IQCH: variants seen among roughly 807,000 people sequenced by gnomAD.
IQCH encodes the protein IQ domain-containing protein H.
IQCH carries 98 observed loss-of-function variants against 117.0 expected under a neutral mutation model. That is an observed-to-expected ratio of 0.84 (90% CI 0.71 to 0.99). The LOEUF (loss-of-function observed/expected upper bound fraction) is 0.99. Among genes scored for constraint, IQCH ranks in the 50% least tolerant of loss-of-function variants. The pLI is 0.00. For missense variants in IQCH, 1,102 were observed against 1,243.8 expected (o/e 0.89, Z 1.72); for synonymous variants, 412 against 448.2 (o/e 0.92, Z 1.02).
At chr15:67,304,321 A>G in intron 4 of IQCH, 8 of 1,350,286 alleles carry the variant, frequency 5.9e-6, no homozygotes, top group Non-Finnish European at 8.1e-6. Context: ...TGAAAGTTTC[A>G]TTGTTTCTTT....
intron 16 of IQCH, among the ~76,000 whole-genome samples, chr15:67,455,243 A>T (rs998870278): frequency 3.9e-5 from 6 of 152,204 alleles, no homozygotes; most frequent in Non-Finnish European, 7.3e-5. Flanking sequence ...TGTAGGTATG[A>T]AAAAGAGAGG....
Position 67,396,310 on chromosome 15 carries a change from C to T in IQCH, c.1905+747C>T, listed in dbSNP as rs16950888. Among the ~76,000 whole-genome samples, 78 of 151,616 alleles carry T rather than the reference C, an allele frequency of 5.1e-4. 2 individuals carry two copies. The East Asian group carries it at 6.4e-3, about 12-fold the overall frequency. On this transcript the variant is annotated intron_variant, in intron 13 of 20. Coordinates refer to ENST00000335894, the MANE Select transcript of IQCH (RefSeq NM_001031715.3). ...CAGACTTCCTTCGCTCTTCAGGAAGCGATCGAAATGGAGGAGGGGAAAGAT... is the reference window on the plus strand; with the variant it reads ...CAGACTTCCTTCGCTCTTCAGGAAGTGATCGAAATGGAGGAGGGGAAAGAT...
Position 67,447,192 on chromosome 15 carries a change from G to A in IQCH, c.2506-17935G>A, listed in dbSNP as rs1361360377. ...GAATACCAAACCCATAAAGTTGTTCGGAGGATGATATGAGCAAATACCACA... is the reference window on the plus strand; with the variant it reads ...GAATACCAAACCCATAAAGTTGTTCAGAGGATGATATGAGCAAATACCACA... On this transcript the variant is annotated intron_variant, in intron 16 of 20. Coordinates refer to ENST00000335894, the MANE Select transcript of IQCH (RefSeq NM_001031715.3). The surrounding 1 kb of genome is among the most constrained non-coding windows in gnomAD (Gnocchi z 5.3). Among the ~76,000 whole-genome samples, 3 of 152,148 alleles carry A rather than the reference G, an allele frequency of 2.0e-5. No individual in the cohort carries two copies. The highest frequency in any genetic ancestry group is 1.9e-4 in the East Asian group (1 of 5,192).
rs111875205 is a variant in IQCH, at chr15:67,487,429, AACAC to A, written c.2800-2548_2800-2545del. ...CTTCCTGAGCACAAAACTTAAGGAA[AACAC>A]ACACACACACACACACACACACACA... On this transcript the variant is annotated intron_variant, in intron 18 of 20. Coordinates refer to ENST00000335894, the MANE Select transcript of IQCH (RefSeq NM_001031715.3). Among the ~76,000 whole-genome samples, 167 of 148,192 alleles carry A rather than the reference AACAC, an allele frequency of 1.1e-3. 1 individual carries two copies. The Middle Eastern group carries it at 0.018, about 16-fold the overall frequency.
In IQCH at chr15:67,376,986, A is replaced by G. The variant is rs1970756863; in HGVS notation, c.1372+3553A>G. On this transcript the variant is annotated intron_variant, in intron 10 of 20. Coordinates refer to ENST00000335894, the MANE Select transcript of IQCH (RefSeq NM_001031715.3). The surrounding 1 kb of genome is among the most constrained non-coding windows in gnomAD (Gnocchi z 5.0). The stretch of plus-strand genomic sequence containing the variant: ...ACAAAAATTAGCTGGGTGTGGTGGC[A>G]CGCACCTGTAGTCCCAGCTACTCAG... Among the ~76,000 whole-genome samples the G allele has an allele frequency of 1.3e-5, 2 of 151,932 alleles. No individual in the cohort carries two copies. The highest frequency in any genetic ancestry group is 2.9e-5 in the Non-Finnish European group (2 of 67,968).
chr15:67,264,018 A>G (rs1423366585), intron 3 of IQCH, among the ~76,000 whole-genome samples: 1 of 152,240 alleles, frequency 6.6e-6, no homozygotes, highest in Non-Finnish European at 1.5e-5. Flanking sequence ...GCAGTGAAGT[A>G]AAGTTTCATA....
At position 67,373,438 on chromosome 15, in the gene IQCH, A is replaced by T. The variant is rs1278749419; in HGVS notation, c.1372+5A>T. On this transcript the variant is annotated splice_donor_5th_base_variant and intron_variant, in intron 10 of 20. Transcript: ENST00000335894. Reference sequence around the variant, plus strand: ...TTATCCATATCCCATCATTAGGTATAACACTTTTGCCTGCAAATCTATCAG... The same window carrying T: ...TTATCCATATCCCATCATTAGGTATTACACTTTTGCCTGCAAATCTATCAG... The T allele has an allele frequency of 6.3e-7, 1 of 1,596,340 alleles. No homozygotes were observed. The highest frequency in any genetic ancestry group is 1.1e-5 in the South Asian group (1 of 90,684).
chr15:67,470,339 G>A (rs1305253807), intron 17 of IQCH, among the ~76,000 whole-genome samples: 2 of 152,084 alleles, frequency 1.3e-5, no homozygotes, highest in Admixed American at 6.6e-5. Context: ...GACCATGCCT[G>A]GCTAATTTTT....
chr15:67,283,155 C>T (rs950985242), intron 4 of IQCH, among the ~76,000 whole-genome samples: 4 of 152,284 alleles, frequency 2.6e-5, no homozygotes, highest in South Asian at 4.2e-4. Flanking sequence ...GTAATACATG[C>T]TTGTTGTTGT....
chr15:67,265,186 A>G (rs1965620579), intron 3 of IQCH, among the ~76,000 whole-genome samples: 1 of 152,266 alleles, frequency 6.6e-6, no homozygotes, highest in Non-Finnish European at 1.5e-5. Context: ...AGGTTATGAT[A>G]GCTGAAAAGA....
In IQCH at chr15:67,370,966, G is replaced by GT. The variant is rs1335360717; in HGVS notation, c.754-1145_754-1144insT. On this transcript the variant is annotated intron_variant, in intron 8 of 20. Coordinates refer to ENST00000335894, the MANE Select transcript of IQCH (RefSeq NM_001031715.3). The surrounding 1 kb of genome is among the most constrained non-coding windows in gnomAD (Gnocchi z 5.6). The stretch of plus-strand genomic sequence containing the variant: ...TAATCATTATGGATAAATTGCTGGG[G>GT]GGGGTTTTCTTTGAGTTTTTTGAAA... 6.6e-6 allele frequency among the ~76,000 whole-genome samples: 1 copy of GT among 151,488 alleles called. No individual in the cohort carries two copies. The highest frequency in any genetic ancestry group is 2.4e-5 in the African/African-American group (1 of 41,170).
At position 67,317,002 on chromosome 15, in the gene IQCH, G is replaced by T. The variant is rs193225791; in HGVS notation, c.388-19973G>T. 3.1e-4 allele frequency among the ~76,000 whole-genome samples: 47 copies of T among 152,248 alleles called. No individual in the cohort carries two copies. The East Asian group carries it at 7.0e-3, about 23-fold the overall frequency. ...AGATCAGAGTATTTAATAAAAGGCT[G>T]TGTTAACTCAAGGACTAGAACAAGA... On this transcript the variant is annotated intron_variant, in intron 4 of 20. Coordinates refer to ENST00000335894, the MANE Select transcript of IQCH (RefSeq NM_001031715.3).
chr15:67,402,215 A>T (rs1347295357), intron 14 of IQCH, among the ~76,000 whole-genome samples: 1 of 152,248 alleles, frequency 6.6e-6, no homozygotes, highest in Non-Finnish European at 1.5e-5. Flanking sequence ...AATAATTAAT[A>T]ATCTAACTAA....
intron 4 of IQCH, among the ~76,000 whole-genome samples, chr15:67,293,912 C>G (rs535981249): frequency 1.3e-5 from 2 of 152,222 alleles, no homozygotes; most frequent in African/African-American, 4.8e-5. Context: ...TCTTGTAGAC[C>G]ATTGTGAGAC....
At chr15:67,301,453 AG>A (rs1272098447) in intron 4 of IQCH, among the ~76,000 whole-genome samples, 5 of 113,082 alleles carry the variant, frequency 4.4e-5, no homozygotes, top group African/African-American at 6.9e-5. Flanking sequence ...TCTGTTGCCC[AG>A]GCTAGAGTGC....
intron 4 of IQCH, among the ~76,000 whole-genome samples, chr15:67,290,723 A>G (rs1020398265): frequency 2.0e-5 from 3 of 151,484 alleles, no homozygotes; most frequent in Non-Finnish European, 4.4e-5. Flanking sequence ...TTTGAAGGCA[A>G]TTAAATTGTG....
chr15:67,372,790 G>T (rs534726439), intron 9 of IQCH, 128 bp downstream of exon 9: 2 of 714,768 alleles, frequency 2.8e-6, no homozygotes, highest in Non-Finnish European at 4.6e-6. Context: ...AGACTCCCAC[G>T]CCTTTCACTC....
chr15:67,255,028 G>A, intron 1 of IQCH, 81 bp downstream of exon 1: 1 of 1,388,882 alleles, frequency 7.2e-7, no homozygotes, highest in Non-Finnish European at 1.0e-6. Flanking sequence ...ATTCACCGAC[G>A]CTCACCCATT....
rs1418985828 is a variant in IQCH, at chr15:67,400,306, G to A, written c.2097+1G>A. ...AGACTGGAGAAAGAAATGGGCACAA[G>A]TGAGTATTCAATGGTGACTTAAACC... On this transcript the variant is annotated splice_donor_variant, in intron 14 of 20. Coordinates refer to ENST00000335894, the MANE Select transcript of IQCH (RefSeq NM_001031715.3). LOFTEE classifies it high-confidence loss of function. 2 of 1,610,264 alleles carry A rather than the reference G, an allele frequency of 1.2e-6. No individual in the cohort carries two copies. Among genetic ancestry groups the A allele is most frequent in the South Asian group, 1.1e-5 (1 of 91,008 alleles).
Sources: allele counts gnomAD v4.1 joint callset (sites outside exome capture counted in the v4.1 genomes callset), GRCh38; gene constraint gnomAD v4.1.1; non-coding constraint Gnocchi (gnomAD v3.1); transcripts MANE v1.5; gene names NCBI Gene and HGNC (gene_info 2026-07-23, HGNC 2026-07-21).